Variants in NOTCH2NLC observed in about 807,000 individuals in gnomAD.
NOTCH2NLC encodes the protein notch 2 N-terminal like C, also known as notch homolog 2 N-terminal-like protein C.
NOTCH2NLC carries 4 observed loss-of-function variants against 17.7 expected under a neutral mutation model. That is an observed-to-expected ratio of 0.23 (90% CI 0.11 to 0.52). The LOEUF (loss-of-function observed/expected upper bound fraction) is 0.52, where lower values mean the gene tolerates loss of function less well. NOTCH2NLC is among the 20% of genes least tolerant of loss of function. The probability of loss-of-function intolerance (pLI) is 0.96; values close to 1 mark genes in which losing one functional copy is unlikely to be tolerated. For synonymous variants in NOTCH2NLC, 18 were observed against 86.0 expected (o/e 0.21, Z 4.38); for missense variants, 57 against 207.2 (o/e 0.28, Z 4.45).
intron 2 of NOTCH2NLC, among the ~76,000 whole-genome samples, chr1:149,442,253 GTTGT>G (rs1331112264): frequency 6.7e-6 from 1 of 148,782 alleles, no homozygotes; most frequent in African/African-American, 2.5e-5. Flanking sequence ...CTTCTCTTTG[GTTGT>G]TCTTTGCTTT....
intron 1 of NOTCH2NLC, among the ~76,000 whole-genome samples, chr1:149,418,957 C>A (rs1467080080): frequency 2.0e-5 from 3 of 150,712 alleles, no homozygotes; most frequent in Admixed American, 6.6e-5. Flanking sequence ...CCTTTTCTTT[C>A]CTTTTCTTTC....
At chr1:149,392,666 ATAACT>A (rs1369078366) in intron 1 of NOTCH2NLC, among the ~76,000 whole-genome samples, 3 of 151,404 alleles carry the variant, frequency 2.0e-5, no homozygotes, top group African/African-American at 7.3e-5. Context: ...GTTTTGGTAA[ATAACT>A]TAATCTTCAT....
Position 149,463,093 on chromosome 1 carries a change from C to T in NOTCH2NLC, c.470-398C>T, listed in dbSNP as rs1417567491. The stretch of plus-strand genomic sequence containing the variant: ...TCATGATCTGCCTGCCTCGGCCTCC[C>T]AAAGTGCTGGAATTACAGGTGTGAG... On this transcript the variant is annotated intron_variant, in intron 3 of 4. Coordinates refer to ENST00000650865, the MANE Select transcript of NOTCH2NLC (RefSeq NM_001364013.2). Among the ~76,000 whole-genome samples the T allele has an allele frequency of 1.3e-4, 19 of 150,566 alleles. 2 individuals are homozygous for T. Among genetic ancestry groups the T allele is most frequent in the African/African-American group, 4.4e-4 (18 of 41,088 alleles).
At chr1:149,433,895 CCAAGATTG>C (rs1424459368) in intron 2 of NOTCH2NLC, among the ~76,000 whole-genome samples, 2 of 150,220 alleles carry the variant, frequency 1.3e-5, no homozygotes, top group Non-Finnish European at 3.0e-5. Context: ...TTGCAGTGAG[CCAAGATTG>C]CACCACTGCA....
chr1:149,460,871 C>G (rs2084642583), intron 3 of NOTCH2NLC, among the ~76,000 whole-genome samples: 1 of 52,846 alleles, frequency 1.9e-5, no homozygotes, highest in Non-Finnish European at 4.4e-5. Flanking sequence ...TTCTTTCTTT[C>G]TTTCTTTCTT....
Position 149,427,351 on chromosome 1 carries a change from ATAAG to A in NOTCH2NLC, c.136-3589_136-3586del, listed in dbSNP as rs1244022962. ...ATTTTGATGGTTTTCAATTCTACGT[ATAAG>A]TGAGAACATGCTGTATTTGTCTTCC... is the stretch of plus-strand genomic sequence containing the variant. On this transcript the variant is annotated intron_variant, in intron 1 of 4. Transcript: ENST00000650865. Among the ~76,000 whole-genome samples, 20 of 149,440 alleles carry A rather than the reference ATAAG, an allele frequency of 1.3e-4. 1 individual carries two copies. The highest frequency in any genetic ancestry group is 4.7e-4 in the African/African-American group (19 of 40,810).
chr1:149,460,334 T>A (rs2084635106), intron 3 of NOTCH2NLC, among the ~76,000 whole-genome samples: 1 of 99,258 alleles, frequency 1.0e-5, no homozygotes, highest in Non-Finnish European at 2.1e-5. Flanking sequence ...TCTGATCACC[T>A]TTTTTTTTTT....
chr1:149,421,580 G>C (rs1193972704), intron 1 of NOTCH2NLC, among the ~76,000 whole-genome samples: 1 of 128,910 alleles, frequency 7.8e-6, no homozygotes, highest in Non-Finnish European at 1.6e-5. Flanking sequence ...AATTTGTCTT[G>C]ATAATAGTAC....
intron 1 of NOTCH2NLC, among the ~76,000 whole-genome samples, chr1:149,402,156 C>T (rs1228959757): frequency 1.3e-5 from 2 of 150,490 alleles, no homozygotes; most frequent in Non-Finnish European, 3.0e-5. Flanking sequence ...CTCGGCTCAC[C>T]GCAACCTCCA....
At chr1:149,413,079 T>C (rs1427577906) in intron 1 of NOTCH2NLC, among the ~76,000 whole-genome samples, 1 of 149,310 alleles carries the variant, frequency 6.7e-6, no homozygotes, top group Non-Finnish European at 1.5e-5. Flanking sequence ...CTAATTTTTT[T>C]GTATTTTTAG....
chr1:149,412,702 A>G (rs2101473151), intron 1 of NOTCH2NLC, among the ~76,000 whole-genome samples: 1 of 139,880 alleles, frequency 7.1e-6, no homozygotes, highest in African/African-American at 2.6e-5. Flanking sequence ...AATCCCAGCT[A>G]CTCAGGAGGC....
chr1:149,417,430 C>T (rs1258660834), intron 1 of NOTCH2NLC, among the ~76,000 whole-genome samples: 1 of 151,128 alleles, frequency 6.6e-6, no homozygotes, highest in Non-Finnish European at 1.5e-5. Context: ...TTTCTAACTG[C>T]GTATTTACAG....
chr1:149,433,353 G>C (rs1161741664), intron 2 of NOTCH2NLC, among the ~76,000 whole-genome samples: 1 of 144,924 alleles, frequency 6.9e-6, no homozygotes, highest in South Asian at 2.2e-4. Context: ...CCTGGATGAC[G>C]GGTTGATAGG....
At chr1:149,392,800 G>A (rs1209928068) in intron 1 of NOTCH2NLC, among the ~76,000 whole-genome samples, 4 of 151,088 alleles carry the variant, frequency 2.6e-5, no homozygotes, top group South Asian at 4.2e-4. Flanking sequence ...GGCCGGGCGC[G>A]GTGGCTCACG....
Position 149,431,974 on chromosome 1 carries a change from A to C in NOTCH2NLC, c.209+959A>C, listed in dbSNP as rs1415352286. Reference sequence around the variant, plus strand: ...TTGAGGAAGGCTGTGAGATAATTTCATAATAGCTTTTCTAGGTTTCCTGCA... The same window carrying C: ...TTGAGGAAGGCTGTGAGATAATTTCCTAATAGCTTTTCTAGGTTTCCTGCA... On this transcript the variant is annotated intron_variant, in intron 2 of 4. Transcript: ENST00000650865. 1.4e-5 allele frequency among the ~76,000 whole-genome samples: 2 copies of C among 143,170 alleles called. 1 individual carries two copies. The highest frequency in any genetic ancestry group is 3.1e-5 in the Non-Finnish European group (2 of 64,198). 93.9% of individuals were successfully genotyped at this position (143,170 alleles called of 152,430 possible).
chr1:149,417,163 G>A (rs2084340634), intron 1 of NOTCH2NLC, among the ~76,000 whole-genome samples: 1 of 125,036 alleles, frequency 8.0e-6, no homozygotes, highest in African/African-American at 3.0e-5. Flanking sequence ...AGGCTGGAGT[G>A]CAGTGGCGCG....
At chr1:149,416,200 T>C (rs1433123955) in intron 1 of NOTCH2NLC, among the ~76,000 whole-genome samples, 2 of 97,462 alleles carry the variant, frequency 2.1e-5, no homozygotes, top group African/African-American at 4.0e-5. Context: ...CTCTGAGCTG[T>C]CTGAGGTTTC....
intron 1 of NOTCH2NLC, among the ~76,000 whole-genome samples, chr1:149,400,082 C>T (rs2084234061): frequency 6.9e-6 from 1 of 145,190 alleles, no homozygotes; most frequent in Non-Finnish European, 1.5e-5. Context: ...TGGTTTTTTA[C>T]CCTTAGATTT....
rs2084717821 is a variant in NOTCH2NLC, at chr1:149,471,333, T to C, written c.*7180T>C. On this transcript the variant is annotated 3_prime_UTR_variant, in exon 5 of 5. Coordinates refer to ENST00000650865, the MANE Select transcript of NOTCH2NLC (RefSeq NM_001364013.2). ...CCCAAATGTTTTTAACTTGATGGAA[T>C]ACAATTTATTTTTTCTTTTGTTGCT... Among the ~76,000 whole-genome samples the C allele has an allele frequency of 6.7e-6, 1 of 149,782 alleles. No individual in the cohort carries two copies. Among genetic ancestry groups the C allele is most frequent in the South Asian group, 2.1e-4 (1 of 4,672 alleles).
Sources: allele counts gnomAD v4.1 joint callset (sites outside exome capture counted in the v4.1 genomes callset), GRCh38; gene constraint gnomAD v4.1.1; transcripts MANE v1.5; gene names NCBI Gene and HGNC (gene_info 2026-07-23, HGNC 2026-07-21).